ABCB11: variants seen among roughly 807,000 people sequenced by gnomAD.
ABCB11 encodes bile salt export pump.
Under a neutral mutation model 148.0 loss-of-function variants are expected in ABCB11, and 95 were observed. The ratio of observed to expected loss-of-function variants is 0.64; its 90% CI spans 0.54 to 0.76. The LOEUF (loss-of-function observed/expected upper bound fraction) is 0.76. Among genes scored for constraint, ABCB11 ranks in the 30% least tolerant of loss-of-function variants. The probability of loss-of-function intolerance (pLI) is 0.00; values close to 1 mark genes in which losing one functional copy is unlikely to be tolerated. For missense variants in ABCB11, 1,523 were observed against 1,617.8 expected (o/e 0.94, Z 1.01); for synonymous variants, 591 against 555.4 (o/e 1.06, Z -0.90).
intron 17 of ABCB11, among the ~76,000 whole-genome samples, chr2:168,965,445 T>C (rs1364323198): frequency 6.6e-6 from 1 of 150,760 alleles, no homozygotes; most frequent in Non-Finnish European, 1.5e-5. Context: ...AGTGAAATAG[T>C]AGAGCTGAGA....
intron 13 of ABCB11, 95 bp downstream of exon 13, chr2:168,973,620 G>A: frequency 6.9e-7 from 1 of 1,450,776 alleles, no homozygotes; most frequent in Non-Finnish European, 9.4e-7. Context: ...TGCCAGGACA[G>A]TCTCAATGTA....
intron 10 of ABCB11, among the ~76,000 whole-genome samples, chr2:168,981,517 T>A (rs957617387): frequency 6.6e-6 from 1 of 152,142 alleles, no homozygotes; most frequent in Non-Finnish European, 1.5e-5. Context: ...AGATGATTAA[T>A]CCAGTGCTAG....
chr2:168,935,086 T>C (rs926709778), intron 23 of ABCB11, 98 bp downstream of exon 23: 1 of 1,499,362 alleles, frequency 6.7e-7, no homozygotes, highest in Admixed American at 1.8e-5. Flanking sequence ...ACACCAAGCT[T>C]GGGATGGTTT....
chr2:168,923,207 C>T lies in ABCB11; in HGVS notation c.*415G>A. The T allele has an allele frequency of 5.6e-6, 1 of 177,846 alleles. No homozygotes were observed. The highest frequency in any genetic ancestry group is 5.6e-5 in the Admixed American group (1 of 17,792). The allele number at this position is 177,846 out of a possible 1,614,324, so 11.0% of individuals were successfully genotyped here. A position where few individuals can be genotyped will look rare whatever the true frequency, so the allele number is the denominator to read the frequency against. On this transcript the variant is annotated 3_prime_UTR_variant, in exon 28 of 28. Transcript: ENST00000650372. ...CGTTTGTTGATTGCCTGTTATAGAC[C>T]CGCCTCTGTGTACACCGAGGGTTCA... is the stretch of plus-strand genomic sequence containing the variant.
At chr2:168,977,046 T>C (rs28374129) in intron 11 of ABCB11, among the ~76,000 whole-genome samples, 84,736 of 147,812 alleles carry the variant, frequency 0.57, 24,541 homozygotes, top group East Asian at 0.75. Flanking sequence ...TATTTAATTG[T>C]TATTATTTAT....
intron 16 of ABCB11, among the ~76,000 whole-genome samples, chr2:168,969,137 G>A (rs1156642807): frequency 1.3e-5 from 2 of 151,112 alleles, no homozygotes; most frequent in Non-Finnish European, 2.9e-5. Context: ...AAAAAGGGGG[G>A]GATGGAATTG....
At position 168,921,783 on chromosome 2, in the gene ABCB11, T is replaced by C. The variant is rs1362578103; in HGVS notation, c.*1839A>G. ...GGTGCTTGTTGGTTGACAGGTGGGC[T>C]TCATAGAAGGGTAATACGGCTGGAA... On this transcript the variant is annotated 3_prime_UTR_variant, in exon 28 of 28. Coordinates refer to ENST00000650372, the MANE Select transcript of ABCB11 (RefSeq NM_003742.4). Among the ~76,000 whole-genome samples, 2 of 151,852 alleles carry C rather than the reference T, an allele frequency of 1.3e-5. No homozygotes were observed. Among genetic ancestry groups the C allele is most frequent in the Non-Finnish European group, 2.9e-5 (2 of 67,984 alleles).
At chr2:169,023,325 C>T (rs1171803833) in intron 1 of ABCB11, among the ~76,000 whole-genome samples, 3 of 152,148 alleles carry the variant, frequency 2.0e-5, no homozygotes, top group Non-Finnish European at 4.4e-5. Flanking sequence ...CAACAGCCTC[C>T]TGAGATGGGT....
At chr2:168,976,951 T>C (rs1195107341) in intron 11 of ABCB11, among the ~76,000 whole-genome samples, 1 of 150,388 alleles carries the variant, frequency 6.6e-6, no homozygotes. Context: ...TCATTAAACG[T>C]TTATTAATAA....
chr2:168,936,486 A>G, intron 21 of ABCB11, 53 bp from the exon 22 acceptor site: 1 of 1,549,822 alleles, frequency 6.5e-7, no homozygotes, highest in Non-Finnish European at 8.9e-7. Context: ...GCTTTTACCA[A>G]TTACCATTAC....
chr2:168,942,597 A>G (rs1559189524), intron 21 of ABCB11, among the ~76,000 whole-genome samples: 1 of 151,888 alleles, frequency 6.6e-6, no homozygotes, highest in Non-Finnish European at 1.5e-5. Context: ...ACACTTAAAA[A>G]TAACTAAGAG....
intron 19 of ABCB11, among the ~76,000 whole-genome samples, chr2:168,954,068 C>T (rs1692681683): frequency 6.6e-6 from 1 of 151,634 alleles, no homozygotes. Flanking sequence ...GGGTGCACAT[C>T]CTCAACCTTG....
rs188159007 is a variant in ABCB11, at chr2:168,997,636, C to T, written c.390-914G>A. ...ACTTTAGAGAATCAGCAAGCAGCCT[C>T]TTCAGCATGGGTTCTTCATCCTACA... is the stretch of plus-strand genomic sequence containing the variant. On this transcript the variant is annotated intron_variant, in intron 5 of 27. Transcript: ENST00000650372. Among the ~76,000 whole-genome samples, 7 of 152,126 alleles carry T rather than the reference C, an allele frequency of 4.6e-5. No homozygotes were observed. The Middle Eastern group carries it at 0.01, about 222-fold the overall frequency.
chr2:168,973,592 C>A, intron 13 of ABCB11, 123 bp downstream of exon 13: 1 of 1,239,032 alleles, frequency 8.1e-7, no homozygotes, highest in Non-Finnish European at 1.1e-6. Flanking sequence ...AGTAACAAAT[C>A]ATTAAGTTAA....
downstream of ABCB11, among the ~76,000 whole-genome samples, chr2:168,919,628 T>A (rs536417259): frequency 1.0e-3 from 145 of 142,908 alleles, no homozygotes; most frequent in East Asian, 3.3e-3. Context: ...GACCTTATTT[T>A]TTAAAAAAAA....
At chr2:168,965,720 T>C (rs1202984675) in intron 17 of ABCB11, among the ~76,000 whole-genome samples, 5 of 151,842 alleles carry the variant, frequency 3.3e-5, no homozygotes, top group African/African-American at 1.2e-4. Flanking sequence ...CTGCATCAAC[T>C]GTTTTAGTGC....
Position 169,009,501 on chromosome 2 carries a change from T to C in ABCB11, c.389+3771A>G, listed in dbSNP as rs539765070. 4.4e-4 allele frequency among the ~76,000 whole-genome samples: 63 copies of C among 144,538 alleles called. 1 individual carries two copies. The South Asian group carries it at 0.013, about 30-fold the overall frequency. 94.8% of individuals were successfully genotyped at this position (144,538 alleles called of 152,430 possible). A position where few individuals can be genotyped will look rare whatever the true frequency, so the allele number is the denominator to read the frequency against. ...GGACAAAAAACCAAACACTACATGTTCTCACTCATAGGTGGGAATTGAACA... is the reference window on the plus strand; with the variant it reads ...GGACAAAAAACCAAACACTACATGTCCTCACTCATAGGTGGGAATTGAACA... On this transcript the variant is annotated intron_variant, in intron 5 of 27. Transcript: ENST00000650372.
At chr2:168,961,698 G>A (rs1317874815) in intron 18 of ABCB11, among the ~76,000 whole-genome samples, 1 of 151,720 alleles carries the variant, frequency 6.6e-6, no homozygotes, top group Non-Finnish European at 1.5e-5. Flanking sequence ...AGTACTGCTT[G>A]GAGAGCAAGG....
intron 12 of ABCB11, among the ~76,000 whole-genome samples, chr2:168,974,756 C>A (rs898129007): frequency 6.6e-6 from 1 of 151,734 alleles, no homozygotes; most frequent in Non-Finnish European, 1.5e-5. Flanking sequence ...AATTACTCTC[C>A]ACCATTGTAA....
Sources: allele counts gnomAD v4.1 joint callset (sites outside exome capture counted in the v4.1 genomes callset), GRCh38; gene constraint gnomAD v4.1.1; transcripts MANE v1.5; gene names NCBI Gene and HGNC (gene_info 2026-07-23, HGNC 2026-07-21).